The following KHDRBS2 variants were observed in gnomAD, a reference collection of about 807,000 sequenced individuals.
The protein encoded by KHDRBS2 is KH domain-containing, RNA-binding, signal transduction-associated protein 2.
Under a neutral mutation model 44.3 loss-of-function variants are expected in KHDRBS2, and 26 were observed. That is an observed-to-expected ratio of 0.59 (90% CI 0.43 to 0.81). The LOEUF (loss-of-function observed/expected upper bound fraction) is 0.81, where lower values mean the gene tolerates loss of function less well. Among genes scored for constraint, KHDRBS2 ranks in the 40% least tolerant of loss-of-function variants. The pLI, the probability that KHDRBS2 is intolerant of heterozygous loss-of-function variation, is 0.00. For missense variants in KHDRBS2, 476 were observed against 433.1 expected (o/e 1.10, Z -0.88); for synonymous variants, 194 against 151.1 (o/e 1.28, Z -2.08).
intron 2 of KHDRBS2, among the ~76,000 whole-genome samples, chr6:62,120,229 C>T (rs1320192682): frequency 6.6e-6 from 1 of 152,074 alleles, no homozygotes; most frequent in Non-Finnish European, 1.5e-5. Context: ...CCTGATCTCC[C>T]TTGGTTTAAT....
the KHDRBS2 span, among the ~76,000 whole-genome samples, chr6:61,621,276 A>T: frequency 6.6e-6 from 1 of 152,238 alleles, no homozygotes; most frequent in South Asian, 2.1e-4. Flanking sequence ...GTCATTTGAA[A>T]TATATAAGGA....
Position 62,059,271 on chromosome 6 carries a change from C to T in KHDRBS2, c.220-11277G>A, listed in dbSNP as rs1406695998. Among the ~76,000 whole-genome samples, 6 of 108,396 alleles carry T rather than the reference C, an allele frequency of 5.5e-5. No individual in the cohort carries two copies. The East Asian group carries it at 1.6e-3, about 29-fold the overall frequency. 71.1% of individuals were successfully genotyped at this position (108,396 alleles called of 152,430 possible). Reference sequence around the variant, plus strand: ...TGAGCACTGAATAGGGAGCTTGAAGCTGGGTATGGAAAAAGGCAGTGACAG... The same window carrying T: ...TGAGCACTGAATAGGGAGCTTGAAGTTGGGTATGGAAAAAGGCAGTGACAG... On this transcript the variant is annotated intron_variant, in intron 2 of 8. Coordinates refer to ENST00000281156, the MANE Select transcript of KHDRBS2 (RefSeq NM_152688.4).
chr6:61,776,700 C>G (rs1782083733), intron 6 of KHDRBS2, among the ~76,000 whole-genome samples: 1 of 152,148 alleles, frequency 6.6e-6, no homozygotes, highest in Admixed American at 6.6e-5. Context: ...GGACTGTAAA[C>G]TACTTCAACC....
At chr6:61,934,213 G>A (rs1810618636) in intron 4 of KHDRBS2, among the ~76,000 whole-genome samples, 1 of 152,040 alleles carries the variant, frequency 6.6e-6, no homozygotes, top group African/African-American at 2.4e-5. Context: ...CCCCTTGTCA[G>A]ATATATACTT....
intron 4 of KHDRBS2, among the ~76,000 whole-genome samples, chr6:61,917,748 G>T: frequency 6.6e-6 from 1 of 151,868 alleles, no homozygotes; most frequent in East Asian, 1.9e-4. Flanking sequence ...GTATGTAAGA[G>T]ATCTCTTTAC....
chr6:61,953,457 A>T (rs1208100013), intron 4 of KHDRBS2, among the ~76,000 whole-genome samples: 1 of 152,014 alleles, frequency 6.6e-6, no homozygotes, highest in Non-Finnish European at 1.5e-5. Flanking sequence ...ACTCAGAACC[A>T]TCTAAACTGA....
intron 1 of KHDRBS2, among the ~76,000 whole-genome samples, chr6:62,200,023 G>T (rs1001982161): frequency 1.3e-5 from 2 of 152,128 alleles, no homozygotes; most frequent in African/African-American, 4.8e-5. Flanking sequence ...GGGAAAACTG[G>T]CTAGCCATAT....
At chr6:62,147,771 A>G (rs1814256607) in intron 2 of KHDRBS2, among the ~76,000 whole-genome samples, 1 of 152,012 alleles carries the variant, frequency 6.6e-6, no homozygotes, top group Non-Finnish European at 1.5e-5. Flanking sequence ...TAATAGTGAC[A>G]GCAGTATCTT....
At chr6:61,898,835 T>G (rs1803417592) in intron 5 of KHDRBS2, among the ~76,000 whole-genome samples, 1 of 151,868 alleles carries the variant, frequency 6.6e-6, no homozygotes, top group African/African-American at 2.4e-5. Context: ...AGGGAGGTAT[T>G]TAGGAGCAAT....
intron 1 of KHDRBS2, among the ~76,000 whole-genome samples, chr6:62,235,425 G>A (rs1833554822): frequency 6.6e-6 from 1 of 151,936 alleles, no homozygotes; most frequent in Non-Finnish European, 1.5e-5. Context: ...GAAACTGAAA[G>A]TCACATTATC....
At chr6:62,203,554 G>T (rs1052517597) in intron 1 of KHDRBS2, among the ~76,000 whole-genome samples, 28 of 152,028 alleles carry the variant, frequency 1.8e-4, no homozygotes, top group African/African-American at 6.5e-4. Context: ...CTTGTGGGTG[G>T]GGGAAAGGAG....
chr6:62,234,068 A>G (rs959470527), intron 1 of KHDRBS2, among the ~76,000 whole-genome samples: 12 of 152,134 alleles, frequency 7.9e-5, no homozygotes, highest in Admixed American at 5.2e-4. Context: ...AATAAAAGCA[A>G]TATGTTCAGA....
At chr6:61,711,022 A>G (rs997961931) in intron 7 of KHDRBS2, among the ~76,000 whole-genome samples, 10 of 150,674 alleles carry the variant, frequency 6.6e-5, no homozygotes, top group African/African-American at 2.4e-4. Context: ...ACCTATAGTA[A>G]CTGTGAATTA....
intron 6 of KHDRBS2, among the ~76,000 whole-genome samples, chr6:61,852,088 A>G (rs1795510749): frequency 6.6e-6 from 1 of 151,626 alleles, no homozygotes; most frequent in South Asian, 2.1e-4. Context: ...TGAGCATAGT[A>G]GTGGATGCCT....
chr6:61,835,671 T>C (rs1175001225), intron 6 of KHDRBS2, among the ~76,000 whole-genome samples: 1 of 151,660 alleles, frequency 6.6e-6, no homozygotes, highest in Non-Finnish European at 1.5e-5. Context: ...GATTCAAAAA[T>C]ATAAATATAC....
rs114697701 is a variant in KHDRBS2 at position 62,224,336 on chromosome 6, A to G, written c.92-47024T>C. Among the ~76,000 whole-genome samples, 229 of 152,228 alleles carry G rather than the reference A, an allele frequency of 1.5e-3. 1 individual carries two copies. The highest frequency in any genetic ancestry group is 5.3e-3 in the African/African-American group (222 of 41,540). ...CATGATTGAAATCATCTCCCACCAGATCCCTCCCAAAACATGTGGGAGTAA... is the reference window on the plus strand; with the variant it reads ...CATGATTGAAATCATCTCCCACCAGGTCCCTCCCAAAACATGTGGGAGTAA... On this transcript the variant is annotated intron_variant, in intron 1 of 8. Transcript: ENST00000281156.
chr6:61,567,822 A>C, the KHDRBS2 span, among the ~76,000 whole-genome samples: 1 of 151,844 alleles, frequency 6.6e-6, no homozygotes, highest in African/African-American at 2.4e-5. Flanking sequence ...CTATGAAACC[A>C]AGCCTTAGTA....
chr6:62,109,582 C>A (rs1294269473), intron 2 of KHDRBS2, among the ~76,000 whole-genome samples: 1 of 151,620 alleles, frequency 6.6e-6, no homozygotes, highest in Non-Finnish European at 1.5e-5. Context: ...ATAAGTTTGG[C>A]AAGGGTAAAG....
At chr6:62,061,622 C>A (rs973226715) in intron 2 of KHDRBS2, among the ~76,000 whole-genome samples, 5 of 150,878 alleles carry the variant, frequency 3.3e-5, no homozygotes, top group African/African-American at 9.7e-5. Context: ...TCCTTCATTT[C>A]AACTTTGGTG....
Sources: allele counts gnomAD v4.1 joint callset (sites outside exome capture counted in the v4.1 genomes callset), GRCh38; gene constraint gnomAD v4.1.1; transcripts MANE v1.5; gene names NCBI Gene and HGNC (gene_info 2026-07-23, HGNC 2026-07-21).